FRMPD2: variants seen among roughly 807,000 people sequenced by gnomAD.
FRMPD2 encodes FERM and PDZ domain-containing protein 2.
A neutral mutation model predicts 140.1 loss-of-function variants in FRMPD2; 96 were observed. The observed-to-expected ratio is 0.69, with a 90% CI of 0.58 to 0.81. The LOEUF (loss-of-function observed/expected upper bound fraction) is 0.81, where lower values mean the gene tolerates loss of function less well. Ranked by LOEUF, FRMPD2 falls within the 40% of genes least tolerant of loss-of-function variation. The pLI is 0.00. For missense variants in FRMPD2, 1,240 were observed against 1,447.4 expected, an observed-to-expected ratio of 0.86 and a Z score of 2.32; for synonymous variants, 449 against 547.6, an observed-to-expected ratio of 0.82 and a Z score of 2.52.
chr10:48,196,797 C>G (rs568015574), intron 15 of FRMPD2, among the ~76,000 whole-genome samples: 83 of 152,270 alleles, frequency 5.5e-4, no homozygotes, highest in African/African-American at 1.9e-3. Flanking sequence ...CCTTTCAATG[C>G]AAATAAATGT....
At chr10:48,191,243 G>T (rs1838823972) in intron 16 of FRMPD2, among the ~76,000 whole-genome samples, 1 of 152,130 alleles carries the variant, frequency 6.6e-6, no homozygotes, top group South Asian at 2.1e-4. Context: ...CGTGAGCACT[G>T]CCTCCCAACC....
rs781262301 is a variant in FRMPD2 at position 48,184,602 on chromosome 10, G to A, written c.2548C>T (p.Pro850Ser). The change falls in exon 20 of 29, where the codon CCT becomes TCT. Residue 850 changes from proline to serine, a missense_variant. By Grantham distance (74) the Pro-to-Ser change is moderately conservative (BLOSUM62 -1). Coordinates refer to ENST00000374201, the MANE Select transcript of FRMPD2 (RefSeq NM_001018071.4). ...NMAVRMIQNSPDNIELIISQS... is the reference protein window; with the variant it reads ...NMAVRMIQNSSDNIELIISQS... ...GAAATAATTAATTCTATGTTGTCAG[G>A]GGAATTCTGGATCATCCTAACAGCC... 3 of 1,612,770 alleles carry A rather than the reference G, an allele frequency of 1.9e-6. No homozygotes were observed. Among genetic ancestry groups the A allele is most frequent in the East Asian group, 4.5e-5 (2 of 44,860 alleles).
chr10:48,201,635 G>A (rs1346385269), intron 14 of FRMPD2: 1 of 331,802 alleles, frequency 3.0e-6, no homozygotes, highest in African/African-American at 2.1e-5. Context: ...AGTGTGCTGG[G>A]TGAGAAGAAT....
chr10:48,192,911 A>G lies in FRMPD2; in HGVS notation c.1955-17T>C. The stretch of plus-strand genomic sequence containing the variant: ...TATCATGGTCTGAATTTGGGGAGAA[A>G]AACATAGACATACACACACACAAGA... On this transcript the variant is annotated splice_polypyrimidine_tract_variant and intron_variant, in intron 15 of 28. Coordinates refer to ENST00000374201, the MANE Select transcript of FRMPD2 (RefSeq NM_001018071.4). 1 of 1,579,476 alleles carries G rather than the reference A, an allele frequency of 6.3e-7. No homozygotes were observed. The highest frequency in any genetic ancestry group is 1.1e-5 in the South Asian group (1 of 90,392).
intron 15 of FRMPD2, among the ~76,000 whole-genome samples, chr10:48,194,976 T>C (rs1838919141): frequency 6.6e-6 from 1 of 152,184 alleles, no homozygotes; most frequent in Non-Finnish European, 1.5e-5. Flanking sequence ...ACAGTTTCTA[T>C]TCCCTGCTGT....
chr10:48,197,662 G>A (rs1838984604), intron 15 of FRMPD2, among the ~76,000 whole-genome samples: 1 of 152,222 alleles, frequency 6.6e-6, no homozygotes, highest in Admixed American at 6.5e-5. Flanking sequence ...CTCTGAACAT[G>A]AAGGGTGTAA....
rs1839871005 is a variant in FRMPD2 at position 48,232,309 on chromosome 10, CA to C, written c.994-21del. On this transcript the variant is annotated intron_variant, in intron 9 of 28. Transcript: ENST00000374201. ...TTTGGTCTGAAAACAACAACAGTAT[CA>C]ATTATACTACAATTATAAGTCATTG... is the stretch of plus-strand genomic sequence containing the variant. 1 of 1,568,912 alleles carries C rather than the reference CA, an allele frequency of 6.4e-7. No homozygotes were observed. The highest frequency in any genetic ancestry group is 8.7e-7 in the Non-Finnish European group (1 of 1,149,134).
At chr10:48,192,967 T>C (rs1004104949) in intron 15 of FRMPD2, 73 bp from the exon 16 acceptor site, 11 of 1,161,420 alleles carry the variant, frequency 9.5e-6, no homozygotes, top group Non-Finnish European at 1.4e-5. Context: ...CTGGTGGTTG[T>C]AACATATCAC....
chr10:48,240,439 G>A lies in FRMPD2; in HGVS notation c.621C>T (p.Tyr207=). The A allele has an allele frequency of 1.2e-6, 2 of 1,613,766 alleles. No individual in the cohort carries two copies. The highest frequency in any genetic ancestry group is 1.7e-6 in the Non-Finnish European group (2 of 1,180,024). Residue 207 remains tyrosine, a synonymous_variant, in exon 6 of 29, where the codon TAC becomes TAT. Coordinates refer to ENST00000374201, the MANE Select transcript of FRMPD2 (RefSeq NM_001018071.4). ...ESSSVQQNRS[Y]LLRKRLRGTS... ...TCCCACGCAGCCTCTTCCTGAGCAG[G>A]TAGCTTCTGTTCTGCTGCACAGAGG... is the stretch of plus-strand genomic sequence containing the variant.
intron 4 of FRMPD2, 109 bp from the exon 5 acceptor site, chr10:48,242,461 GCA>G: frequency 1.1e-6 from 1 of 912,000 alleles, no homozygotes; most frequent in Non-Finnish European, 1.7e-6. Flanking sequence ...GTTCCCACAA[GCA>G]CCAGAGCAGA....
chr10:48,272,090 C>T (rs1840778917), intron 1 of FRMPD2, among the ~76,000 whole-genome samples: 2 of 152,196 alleles, frequency 1.3e-5, no homozygotes, highest in Non-Finnish European at 2.9e-5. Context: ...CCTTGCTATT[C>T]CTGAGCAGTT....
chr10:48,265,690 T>A (rs1840665373), intron 1 of FRMPD2, among the ~76,000 whole-genome samples: 1 of 152,102 alleles, frequency 6.6e-6, no homozygotes, highest in Non-Finnish European at 1.5e-5. Context: ...CTGGTCAGAA[T>A]GGCTATTAAT....
Position 48,187,083 on chromosome 10 carries a change from G to A in FRMPD2, c.2266+109C>T, listed in dbSNP as rs1488001923. The A allele has an allele frequency of 1.0e-5, 7 of 681,974 alleles. No homozygotes were observed. In the East Asian group the frequency reaches 1.7e-4, roughly 17 times the overall value. 42.2% of individuals were successfully genotyped at this position (681,974 alleles called of 1,614,324 possible). On this transcript the variant is annotated intron_variant, in intron 17 of 28. Coordinates refer to ENST00000374201, the MANE Select transcript of FRMPD2 (RefSeq NM_001018071.4). ...AGAAAACAATTCAAAAAACAAGAAG[G>A]TTACAAACATTGTGTGGGAAGCAAA...
Position 48,167,421 on chromosome 10 carries a change from G to A in FRMPD2, c.3537+1174C>T, listed in dbSNP as rs1321670988. Among the ~76,000 whole-genome samples the A allele has an allele frequency of 1.9e-4, 8 of 41,118 alleles. No individual in the cohort carries two copies. The East Asian group carries it at 2.8e-3, about 14-fold the overall frequency. 27.0% of individuals were successfully genotyped at this position (41,118 alleles called of 152,430 possible). Reference sequence around the variant, plus strand: ...CCCCTGGGGCAGCCCACACCCCAGCGCTGGTTAGGGCAACAAGCAAAGGCA... The same window carrying A: ...CCCCTGGGGCAGCCCACACCCCAGCACTGGTTAGGGCAACAAGCAAAGGCA... On this transcript the variant is annotated intron_variant, in intron 27 of 28. Transcript: ENST00000374201.
At chr10:48,191,133 A>G (rs968314006) in intron 16 of FRMPD2, among the ~76,000 whole-genome samples, 1 of 152,204 alleles carries the variant, frequency 6.6e-6, no homozygotes, top group Admixed American at 6.5e-5. Flanking sequence ...GAGAACTGAC[A>G]GCTTCTTTTT....
intron 2 of FRMPD2, 87 bp from the exon 3 acceptor site, chr10:48,249,265 G>A: frequency 7.6e-7 from 1 of 1,323,670 alleles, no homozygotes; most frequent in South Asian, 1.4e-5. Context: ...GTGCCTGGCA[G>A]TACCCATCTC....
chr10:48,188,225 T>G (rs1838738150), intron 16 of FRMPD2, among the ~76,000 whole-genome samples: 1 of 152,150 alleles, frequency 6.6e-6, no homozygotes, highest in Non-Finnish European at 1.5e-5. Context: ...GTCGCTGGCA[T>G]GGACAGTTAC....
intron 2 of FRMPD2, among the ~76,000 whole-genome samples, chr10:48,250,318 C>T (rs367660818): frequency 1.3e-5 from 2 of 152,240 alleles, no homozygotes; most frequent in East Asian, 1.9e-4. Flanking sequence ...GAACCCCAAA[C>T]AGGGAAGGGG....
intron 13 of FRMPD2, among the ~76,000 whole-genome samples, chr10:48,210,011 T>A (rs1164515089): frequency 6.6e-6 from 1 of 152,158 alleles, no homozygotes; most frequent in Non-Finnish European, 1.5e-5. Context: ...TATATATGCA[T>A]ATACATATAT....
Sources: gnomAD v4.1 joint callset for allele counts (sites outside exome capture counted in the v4.1 genomes callset) on GRCh38, gnomAD v4.1.1 for gene constraint, MANE v1.5 for transcripts, NCBI Gene and HGNC (gene_info 2026-07-23, HGNC 2026-07-21) for gene names.